The following SLC19A2 variants were observed in gnomAD, a reference collection of about 807,000 sequenced individuals.
The protein encoded by SLC19A2 is solute carrier family 19 member 2.
A neutral mutation model predicts 44.7 loss-of-function variants in SLC19A2; 27 were observed. The ratio of observed to expected loss-of-function variants is 0.60; its 90% CI spans 0.45 to 0.83. The LOEUF (loss-of-function observed/expected upper bound fraction) is 0.83, where lower values mean the gene tolerates loss of function less well. Among genes scored for constraint, SLC19A2 ranks in the 40% least tolerant of loss-of-function variants. The pLI is 0.00. For synonymous variants in SLC19A2, 239 were observed against 243.6 expected (o/e 0.98, Z 0.18); for missense variants, 566 against 613.7 (o/e 0.92, Z 0.82).
intron 1 of SLC19A2, among the ~76,000 whole-genome samples, chr1:169,484,591 G>A (rs1029549512): frequency 6.6e-6 from 1 of 152,126 alleles, no homozygotes; most frequent in Non-Finnish European, 1.5e-5. Flanking sequence ...GCTTTATTTC[G>A]GTTTTGTGGA....
intron 1 of SLC19A2, among the ~76,000 whole-genome samples, chr1:169,478,523 ATTTTTTTTTTTTT>A (rs35141285): frequency 1.1e-4 from 7 of 66,638 alleles, no homozygotes; most frequent in East Asian, 1.1e-3. Flanking sequence ...CAACCAGCTA[ATTTTTTTTTTTTT>A]TTTTTTTTTT....
chr1:169,475,980 A>G (rs1658295547), intron 2 of SLC19A2, among the ~76,000 whole-genome samples: 1 of 152,146 alleles, frequency 6.6e-6, no homozygotes, highest in African/African-American at 2.4e-5. Context: ...CCAGCCTACA[A>G]AGCTTATGGA....
At chr1:169,469,009 CAAT>C (rs1658103526) in intron 3 of SLC19A2, 173 bp from the exon 4 acceptor site, 1 of 617,298 alleles carries the variant, frequency 1.6e-6, no homozygotes, top group South Asian at 2.0e-5. Context: ...TTGATGGAAT[CAAT>C]AAAATGGAGC....
At chr1:169,479,649 T>C (rs1658401015) in intron 1 of SLC19A2, among the ~76,000 whole-genome samples, 1 of 152,242 alleles carries the variant, frequency 6.6e-6, no homozygotes, top group Non-Finnish European at 1.5e-5. Flanking sequence ...TTAACTAAAT[T>C]AATTGAGCTA....
chr1:169,476,744 A>T (rs996386893), intron 2 of SLC19A2, among the ~76,000 whole-genome samples: 35 of 152,112 alleles, frequency 2.3e-4, no homozygotes, highest in African/African-American at 8.2e-4. Flanking sequence ...TAATAATAAT[A>T]ATTTGGGCTT....
intron 1 of SLC19A2, among the ~76,000 whole-genome samples, chr1:169,479,749 A>T (rs978316875): frequency 2.0e-5 from 3 of 152,224 alleles, no homozygotes; most frequent in Non-Finnish European, 4.4e-5. Flanking sequence ...TTTGAAAGGT[A>T]GTTTTGGTAA....
At chr1:169,482,981 G>C (rs1288272002) in intron 1 of SLC19A2, among the ~76,000 whole-genome samples, 1 of 152,190 alleles carries the variant, frequency 6.6e-6, no homozygotes, top group Non-Finnish European at 1.5e-5. Flanking sequence ...CTACAATGAT[G>C]AAAGGATAAA....
At chr1:169,483,000 T>G (rs187493531) in intron 1 of SLC19A2, among the ~76,000 whole-genome samples, 1 of 152,234 alleles carries the variant, frequency 6.6e-6, no homozygotes, top group East Asian at 1.9e-4. Flanking sequence ...AAAAAGTTTT[T>G]AGAGATAAAG....
At chr1:169,467,883 G>A (rs1441471189) in intron 5 of SLC19A2, among the ~76,000 whole-genome samples, 1 of 152,188 alleles carries the variant, frequency 6.6e-6, no homozygotes, top group African/African-American at 2.4e-5. Flanking sequence ...GCCCCATTGG[G>A]CTGATGAGTT....
In SLC19A2 at chr1:169,468,239, C is replaced by T. The variant is rs1332198660; in HGVS notation, c.1237G>A (p.Ala413Thr). The change falls in exon 5 of 6, where the codon GCA becomes ACA. Residue 413 changes from alanine (A) to threonine (T), a missense_variant. Ala to Thr is a moderately conservative substitution (Grantham distance 58, BLOSUM62 0). Transcript: ENST00000236137. The part of the protein sequence containing the change: ...LITIATFQIA[A>T]NLSMERYALV... ...GCATAGCGTTCCATGCTGAGGTTTG[C>T]AGCAATTTGAAAACTTAAAAAAAAA... The T allele has an allele frequency of 1.9e-6, 3 of 1,613,202 alleles. No homozygotes were observed. The African/African-American group carries it at 4.0e-5, about 22-fold the overall frequency.
chr1:169,465,661 A>G lies in SLC19A2; in HGVS notation c.*188T>C. 1.6e-6 allele frequency: 1 copy of G among 616,272 alleles called. No homozygotes were observed. Among genetic ancestry groups the G allele is most frequent in the Non-Finnish European group, 2.8e-6 (1 of 352,776 alleles). The allele number at this position is 616,272 out of a possible 1,614,324, so 38.2% of individuals were successfully genotyped here. A position where few individuals can be genotyped will look rare whatever the true frequency, so the allele number is the denominator to read the frequency against. On this transcript the variant is annotated 3_prime_UTR_variant, in exon 6 of 6. Transcript: ENST00000236137. Reference sequence around the variant, plus strand: ...AGCTCTCATAAATAATCCATGAAATAAACTTTACTTCTGGCTCCTCTGAAT... The same window carrying G: ...AGCTCTCATAAATAATCCATGAAATGAACTTTACTTCTGGCTCCTCTGAAT...
chr1:169,478,684 T>A (rs926801731), intron 1 of SLC19A2, among the ~76,000 whole-genome samples: 31 of 151,924 alleles, frequency 2.0e-4, no homozygotes, highest in Non-Finnish European at 3.8e-4. Flanking sequence ...CCTCAAACTC[T>A]CCTAATACTG....
chr1:169,477,346 A>C lies in SLC19A2; in HGVS notation c.616T>G (p.Trp206Gly). ...TCVSVAFAVA[W>G]FLPMPQKSLF... ...CTCTTCTGTGGCATAGGTAAAAACC[A>C]GGCCACAGCAAAAGCCACTGAAACA... Residue 206 changes from tryptophan (W) to glycine (G), a missense_variant, in exon 2 of 6, where the codon TGG becomes GGG. Coordinates refer to ENST00000236137, the MANE Select transcript of SLC19A2 (RefSeq NM_006996.3). 1 of 1,614,210 alleles carries C rather than the reference A, an allele frequency of 6.2e-7. No individual in the cohort carries two copies. Among genetic ancestry groups the C allele is most frequent in the Non-Finnish European group, 8.5e-7 (1 of 1,180,034 alleles).
At chr1:169,484,858 G>A (rs535987669) in intron 1 of SLC19A2, among the ~76,000 whole-genome samples, 1 of 152,284 alleles carries the variant, frequency 6.6e-6, no homozygotes, top group South Asian at 2.1e-4. Context: ...TATCTGAGAA[G>A]CAAAACTAAC....
chr1:169,467,991 A>G (rs1487733983), intron 5 of SLC19A2, 120 bp downstream of exon 5: 5 of 958,966 alleles, frequency 5.2e-6, no homozygotes, highest in Non-Finnish European at 8.3e-6. Context: ...GAAGGAGGGT[A>G]TGCTTTTACT....
Position 169,469,955 on chromosome 1 carries a change from A to C in SLC19A2, c.1030+9T>G, listed in dbSNP as rs1265575710. 6.2e-7 allele frequency: 1 copy of C among 1,612,490 alleles called. No homozygotes were observed. The highest frequency in any genetic ancestry group is 1.1e-5 in the South Asian group (1 of 91,002). ...CCACCACGACCCTCTATTATCCTGC[A>C]TTGCTTACCCAGTAAGGTTGAAACG... On this transcript the variant is annotated intron_variant, in intron 3 of 5. Transcript: ENST00000236137.
At position 169,484,948 on chromosome 1, in the gene SLC19A2, G is replaced by A. The variant is rs74121676; in HGVS notation, c.204+615C>T. On this transcript the variant is annotated intron_variant, in intron 1 of 5. Transcript: ENST00000236137. ...TGTTTCACCATCTGCCTTTATCCCT[G>A]GAGGTTGGTCTTAAGGTAGAGAGGG... Among the ~76,000 whole-genome samples the A allele has an allele frequency of 7.9e-3, 1,198 of 151,922 alleles. 26 individuals carry two copies. Among genetic ancestry groups the A allele is most frequent in the African/African-American group, 0.028 (1,145 of 41,404 alleles).
intron 5 of SLC19A2, 55 bp downstream of exon 5, chr1:169,468,056 T>C (rs1430144107): frequency 1.2e-5 from 19 of 1,583,708 alleles, no homozygotes; most frequent in Non-Finnish European, 1.4e-5. Flanking sequence ...CATATACTTC[T>C]GTCACCCTGA....
upstream of SLC19A2, chr1:169,485,957 T>A: frequency 1.5e-6 from 1 of 668,868 alleles, no homozygotes; most frequent in Non-Finnish European, 2.5e-6. Context: ...GGTCGCTGCC[T>A]GATCGCCCAG....
Sources: gnomAD v4.1 joint callset for allele counts (sites outside exome capture counted in the v4.1 genomes callset) on GRCh38, gnomAD v4.1.1 for gene constraint, MANE v1.5 for transcripts, NCBI Gene and HGNC (gene_info 2026-07-23, HGNC 2026-07-21) for gene names.